Variants in RBFOX3 observed in about 807,000 individuals in gnomAD.
The protein encoded by RBFOX3 is RNA binding protein fox-1 homolog 3.
Under a neutral mutation model 48.7 loss-of-function variants are expected in RBFOX3, and 17 were observed. That is an observed-to-expected ratio of 0.35 (90% CI 0.24 to 0.52). The LOEUF is 0.52. Ranked by LOEUF, RBFOX3 falls within the 20% of genes least tolerant of loss-of-function variation. The pLI is 0.94. For synonymous variants in RBFOX3, 212 were observed against 209.5 expected, an observed-to-expected ratio of 1.01 and a Z score of -0.10; for missense variants, 382 against 497.5, an observed-to-expected ratio of 0.77 and a Z score of 2.21.
intron 2 of RBFOX3, among the ~76,000 whole-genome samples, chr17:79,349,312 C>T (rs2083451256): frequency 1.3e-5 from 2 of 152,082 alleles, no homozygotes; most frequent in African/African-American, 4.8e-5. Flanking sequence ...TCACCACTCG[C>T]ACTCCTCTGC....
intron 4 of RBFOX3, among the ~76,000 whole-genome samples, chr17:79,149,265 G>A (rs1038331923): frequency 2.6e-5 from 4 of 152,210 alleles, no homozygotes; most frequent in Non-Finnish European, 5.9e-5. Flanking sequence ...GGGCTTAGTA[G>A]AGCGTGGGAG....
intron 1 of RBFOX3, among the ~76,000 whole-genome samples, chr17:79,585,531 T>C (rs1279994737): frequency 2.0e-5 from 3 of 152,088 alleles, no homozygotes; most frequent in African/African-American, 7.2e-5. Context: ...CACTCCAGCC[T>C]GGGCGACAAC....
chr17:79,282,266 G>A (rs1286156444), intron 3 of RBFOX3, among the ~76,000 whole-genome samples: 2 of 152,222 alleles, frequency 1.3e-5, no homozygotes, highest in Non-Finnish European at 2.9e-5. Context: ...CACGAAAGCA[G>A]GGGTAACGGA....
At chr17:79,632,486 T>C in the RBFOX3 span, among the ~76,000 whole-genome samples, 2 of 152,118 alleles carry the variant, frequency 1.3e-5, no homozygotes, top group Non-Finnish European at 2.9e-5. Flanking sequence ...GTCTGGGGTC[T>C]CTGACCACTG....
intron 4 of RBFOX3, among the ~76,000 whole-genome samples, chr17:79,222,130 C>CAGCCTGATTTCTACCT (rs1567867673): frequency 4.4e-5 from 5 of 112,712 alleles, no homozygotes; most frequent in African/African-American, 3.2e-4. Flanking sequence ...GATTTCTACC[C>CAGCCTGATTTCTACCT]GCAGCCTGAT....
intron 4 of RBFOX3, among the ~76,000 whole-genome samples, chr17:79,209,152 C>T (rs1173206332): frequency 6.6e-6 from 1 of 152,066 alleles, no homozygotes; most frequent in Non-Finnish European, 1.5e-5. Context: ...CCCATTCCTC[C>T]CCTCTCCCAC....
intron 2 of RBFOX3, among the ~76,000 whole-genome samples, chr17:79,478,295 G>A (rs753664927): frequency 1.7e-4 from 26 of 152,328 alleles, no homozygotes; most frequent in African/African-American, 3.1e-4. Flanking sequence ...TCATGGGTGC[G>A]TCCCTGAGGG....
intron 2 of RBFOX3, among the ~76,000 whole-genome samples, chr17:79,345,067 C>A (rs906459097): frequency 6.6e-6 from 1 of 152,188 alleles, no homozygotes; most frequent in East Asian, 1.9e-4. Context: ...CTGTTCTCTG[C>A]CTGTAGGGCT....
intron 2 of RBFOX3, among the ~76,000 whole-genome samples, chr17:79,401,526 T>C (rs1177040996): frequency 6.6e-6 from 1 of 152,150 alleles, no homozygotes; most frequent in South Asian, 2.1e-4. Flanking sequence ...AGTGTGCACG[T>C]GAGACCCTGC....
chr17:79,543,672 C>T (rs957749458), intron 1 of RBFOX3, among the ~76,000 whole-genome samples: 16 of 152,126 alleles, frequency 1.1e-4, no homozygotes, highest in Admixed American at 5.9e-4. Context: ...AAACACGCGG[C>T]GAAGATGAAG....
At chr17:79,570,644 T>C (rs2092642028) in intron 1 of RBFOX3, among the ~76,000 whole-genome samples, 1 of 152,234 alleles carries the variant, frequency 6.6e-6, no homozygotes. Flanking sequence ...CAAGCCCTCC[T>C]GTCCCTTAGG....
At position 79,089,604 on chromosome 17, in the gene RBFOX3, T is replaced by A. The variant is rs987110964; in HGVS notation, c.*1279A>T. ...TACAACGGGAATAGAAAAGGAGAAT[T>A]CCATTTCAATAGCTGATGCTGAATA... is the stretch of plus-strand genomic sequence containing the variant. On this transcript the variant is annotated 3_prime_UTR_variant, in exon 15 of 15. Coordinates refer to ENST00000693108, the MANE Select transcript of RBFOX3 (RefSeq NM_001350451.2). The A allele has an allele frequency of 6.6e-6, 1 of 152,508 alleles. No homozygotes were observed. Among genetic ancestry groups the A allele is most frequent in the East Asian group, 1.9e-4 (1 of 5,200 alleles). 9.4% of individuals were successfully genotyped at this position (152,508 alleles called of 1,614,324 possible).
chr17:79,587,491 G>A (rs1001855663), intron 1 of RBFOX3, among the ~76,000 whole-genome samples: 5 of 152,220 alleles, frequency 3.3e-5, no homozygotes, highest in Non-Finnish European at 5.9e-5. Flanking sequence ...TATCTGTTGT[G>A]ATGGCCAGGC....
rs1295491501 is a variant in RBFOX3 at position 79,195,475 on chromosome 17, C to G, written c.-34+40291G>C. 6.6e-6 allele frequency among the ~76,000 whole-genome samples: 1 copy of G among 152,138 alleles called. No homozygotes were observed. Among genetic ancestry groups the G allele is most frequent in the Non-Finnish European group, 1.5e-5 (1 of 68,026 alleles). On this transcript the variant is annotated intron_variant, in intron 4 of 14. Transcript: ENST00000693108. This position sits in a 1 kb window ranked among gnomAD's most constrained non-coding sequence, Gnocchi z 5.3. Reference sequence around the variant, plus strand: ...TCTCTTCTTAGAGTAAGGCCGCACGCAAGTCTGTGTGGGCAGGAAGCCTGC... The same window carrying G: ...TCTCTTCTTAGAGTAAGGCCGCACGGAAGTCTGTGTGGGCAGGAAGCCTGC...
intron 2 of RBFOX3, among the ~76,000 whole-genome samples, chr17:79,345,897 T>C (rs918271102): frequency 6.6e-6 from 1 of 152,168 alleles, no homozygotes; most frequent in Non-Finnish European, 1.5e-5. Flanking sequence ...TTAAGACATT[T>C]TCCTCTATGA....
chr17:79,205,826 A>AAAAG lies in RBFOX3; in HGVS notation c.-34+29936_-34+29939dup, dbSNP rs2057401307. Among the ~76,000 whole-genome samples the AAAAG allele has an allele frequency of 7.6e-6, 1 of 131,348 alleles. No homozygotes were observed. The highest frequency in any genetic ancestry group is 1.6e-5 in the Non-Finnish European group (1 of 62,508). 86.2% of individuals were successfully genotyped at this position (131,348 alleles called of 152,430 possible). A position where few individuals can be genotyped will look rare whatever the true frequency, so the allele number is the denominator to read the frequency against. On this transcript the variant is annotated intron_variant, in intron 4 of 14. Transcript: ENST00000693108. The surrounding 1 kb of genome is among the most constrained non-coding windows in gnomAD (Gnocchi z 4.5). ...TTCCAGTCCATGTCCATAAAGAGTCAAAAGCAGTTGGCTTTTTTTTTTTTT... is the reference window on the plus strand; with the variant it reads ...TTCCAGTCCATGTCCATAAAGAGTCAAAAGAAAGCAGTTGGCTTTTTTTTTTTTT...
At chr17:79,319,179 C>A (rs2078028072) in intron 2 of RBFOX3, among the ~76,000 whole-genome samples, 1 of 152,186 alleles carries the variant, frequency 6.6e-6, no homozygotes, top group Non-Finnish European at 1.5e-5. Flanking sequence ...AGGTCACCTA[C>A]TTCCCAGACG....
At chr17:79,536,562 C>T (rs920162041) in intron 1 of RBFOX3, among the ~76,000 whole-genome samples, 2 of 152,254 alleles carry the variant, frequency 1.3e-5, no homozygotes, top group Non-Finnish European at 2.9e-5. Context: ...AACGGTGATC[C>T]ATTGCCCTGA....
chr17:79,299,762 C>T lies in RBFOX3; in HGVS notation c.-74+7962G>A, dbSNP rs995982329. Among the ~76,000 whole-genome samples, 13 of 152,148 alleles carry T rather than the reference C, an allele frequency of 8.5e-5. No homozygotes were observed. The highest frequency in any genetic ancestry group is 1.2e-4 in the African/African-American group (5 of 41,438). ...CTCCTGAAGAGGAGATTAGGACAGA[C>T]GCAAACAGAGGGATGGCCACATAAG... On this transcript the variant is annotated intron_variant, in intron 3 of 14. Coordinates refer to ENST00000693108, the MANE Select transcript of RBFOX3 (RefSeq NM_001350451.2). The surrounding 1 kb of genome is among the most constrained non-coding windows in gnomAD (Gnocchi z 4.5).
Sources: allele counts gnomAD v4.1 joint callset (sites outside exome capture counted in the v4.1 genomes callset), GRCh38; gene constraint gnomAD v4.1.1; non-coding constraint Gnocchi (gnomAD v3.1); transcripts MANE v1.5; gene names NCBI Gene and HGNC (gene_info 2026-07-23, HGNC 2026-07-21).